Variants in RETREG1 observed in about 807,000 individuals in gnomAD.
The protein encoded by RETREG1 is reticulophagy regulator 1.
RETREG1 carries 44 observed loss-of-function variants against 54.8 expected under a neutral mutation model. That is an observed-to-expected ratio of 0.80 (90% CI 0.63 to 1.03). The LOEUF is 1.03. Ranked by LOEUF, RETREG1 falls within the 50% of genes least tolerant of loss-of-function variation. The pLI is 0.00. For synonymous variants in RETREG1, 217 were observed against 238.5 expected (o/e 0.91, Z 0.83); for missense variants, 554 against 605.1 (o/e 0.92, Z 0.89).
intron 3 of RETREG1, among the ~76,000 whole-genome samples, chr5:16,488,582 G>GT (rs2126529073): frequency 6.6e-6 from 1 of 152,286 alleles, no homozygotes; most frequent in South Asian, 2.1e-4. Flanking sequence ...TGGCACAGGC[G>GT]TGTGAGGAGC....
rs112111682 is a variant in RETREG1, at chr5:16,508,803, T to C, written c.459-25331A>G. ...ACTCAGAAAGTTGGTGTTTACAAAC[T>C]TCCAAAGCGCCTGCCTCCCTTGAAT... is the stretch of plus-strand genomic sequence containing the variant. On this transcript the variant is annotated intron_variant, in intron 3 of 8. Coordinates refer to ENST00000306320, the MANE Select transcript of RETREG1 (RefSeq NM_001034850.3). The C allele has an allele frequency of 0.01, 14,724 of 1,452,718 alleles. 113 individuals are homozygous for C. Among genetic ancestry groups the C allele is most frequent in the Non-Finnish European group, 0.012 (13,339 of 1,105,090 alleles). The allele number at this position is 1,452,718 out of a possible 1,614,324, so 90.0% of individuals were successfully genotyped here.
At position 16,474,502 on chromosome 5, in the gene RETREG1, A is replaced by G; in HGVS notation, c.*239T>C. ...CCCTAATATTTATCTCTGACAACACAGTGGTGTGTATAAAGTTCATTTCCA... is the reference window on the plus strand; with the variant it reads ...CCCTAATATTTATCTCTGACAACACGGTGGTGTGTATAAAGTTCATTTCCA... On this transcript the variant is annotated 3_prime_UTR_variant, in exon 9 of 9. Transcript: ENST00000306320. The G allele has an allele frequency of 1.9e-6, 1 of 529,208 alleles. No homozygotes were observed. Among genetic ancestry groups the G allele is most frequent in the Non-Finnish European group, 3.3e-6 (1 of 302,698 alleles). 32.8% of individuals were successfully genotyped at this position (529,208 alleles called of 1,614,324 possible).
At chr5:16,505,795 T>C (rs1307339646) in intron 3 of RETREG1, among the ~76,000 whole-genome samples, 2 of 152,172 alleles carry the variant, frequency 1.3e-5, no homozygotes, top group Non-Finnish European at 2.9e-5. Flanking sequence ...TTTCCTCCTA[T>C]TTCTTGACCC....
At chr5:16,549,979 G>A (rs1032257369) in intron 3 of RETREG1, among the ~76,000 whole-genome samples, 1 of 152,158 alleles carries the variant, frequency 6.6e-6, no homozygotes, top group African/African-American at 2.4e-5. Flanking sequence ...GACATGAGAT[G>A]GCTCTGAATG....
At chr5:16,570,346 G>C (rs950168790) in intron 2 of RETREG1, among the ~76,000 whole-genome samples, 10 of 152,200 alleles carry the variant, frequency 6.6e-5, no homozygotes, top group South Asian at 2.1e-4. Flanking sequence ...CAGCGGAAAC[G>C]ATCTGTGTGT....
At chr5:16,514,238 C>T (rs1447288624) in intron 3 of RETREG1, among the ~76,000 whole-genome samples, 1 of 152,048 alleles carries the variant, frequency 6.6e-6, no homozygotes, top group African/African-American at 2.4e-5. Context: ...GAGCCATCTC[C>T]CTCCCACATT....
chr5:16,513,148 A>G (rs938084828), intron 3 of RETREG1, among the ~76,000 whole-genome samples: 14 of 152,336 alleles, frequency 9.2e-5, no homozygotes, highest in African/African-American at 3.4e-4. Context: ...TGACTGGGTC[A>G]AATTAGAAAC....
chr5:16,547,739 G>A (rs1741427235), intron 3 of RETREG1, among the ~76,000 whole-genome samples: 1 of 152,082 alleles, frequency 6.6e-6, no homozygotes, highest in Admixed American at 6.5e-5. Context: ...CTGAATATGT[G>A]AACACGCACA....
Position 16,474,090 on chromosome 5 carries a change from A to G in RETREG1, c.*651T>C, listed in dbSNP as rs1738417798. On this transcript the variant is annotated 3_prime_UTR_variant, in exon 9 of 9. Coordinates refer to ENST00000306320, the MANE Select transcript of RETREG1 (RefSeq NM_001034850.3). ...ACTGCAAGACTAGAGATGGCAGTCA[A>G]TGGAGCATGCTTCTTTACAAATAAG... The G allele has an allele frequency of 6.5e-6, 1 of 153,296 alleles. No individual in the cohort carries two copies. The highest frequency in any genetic ancestry group is 1.5e-5 in the Non-Finnish European group (1 of 68,930). 9.5% of individuals were successfully genotyped at this position (153,296 alleles called of 1,614,324 possible). A position where few individuals can be genotyped will look rare whatever the true frequency, so the allele number is the denominator to read the frequency against.
chr5:16,507,902 C>T (rs918913648), intron 3 of RETREG1, among the ~76,000 whole-genome samples: 3 of 152,214 alleles, frequency 2.0e-5, no homozygotes, highest in African/African-American at 7.2e-5. Context: ...AGGCATCTAA[C>T]TGACTCATAC....
intron 3 of RETREG1, among the ~76,000 whole-genome samples, chr5:16,540,976 G>A (rs762365614): frequency 2.0e-5 from 3 of 152,152 alleles, no homozygotes; most frequent in Non-Finnish European, 2.9e-5. Context: ...TACTTATTAC[G>A]CACCAGCACC....
intron 3 of RETREG1, 137 bp from the exon 4 acceptor site, chr5:16,483,609 T>C: frequency 1.2e-6 from 1 of 813,236 alleles, no homozygotes. Context: ...AGAAGGGAAC[T>C]ATCCAGACAC....
intron 3 of RETREG1, among the ~76,000 whole-genome samples, chr5:16,540,967 A>G (rs1016440093): frequency 2.0e-5 from 3 of 152,180 alleles, no homozygotes; most frequent in African/African-American, 7.2e-5. Context: ...GTAAACAAGT[A>G]CTTATTACGC....
Position 16,540,398 on chromosome 5 carries a change from G to A in RETREG1, c.458+25365C>T, listed in dbSNP as rs115117014. 5.6e-3 allele frequency among the ~76,000 whole-genome samples: 845 copies of A among 152,202 alleles called. 5 individuals carry two copies. Among genetic ancestry groups the A allele is most frequent in the African/African-American group, 0.019 (804 of 41,524 alleles). Reference sequence around the variant, plus strand: ...ATGTCACACAGGAATACCCACCTTCGGCAAATACAGGGCAGGGCTAAGTAA... The same window carrying A: ...ATGTCACACAGGAATACCCACCTTCAGCAAATACAGGGCAGGGCTAAGTAA... On this transcript the variant is annotated intron_variant, in intron 3 of 8. Transcript: ENST00000306320.
At chr5:16,492,500 G>A (rs186719938) in intron 3 of RETREG1, among the ~76,000 whole-genome samples, 101 of 150,406 alleles carry the variant, frequency 6.7e-4, no homozygotes, top group African/African-American at 2.2e-3. Flanking sequence ...GTTATAACTC[G>A]TCACCTGGCA....
intron 4 of RETREG1, chr5:16,483,053 T>C (rs1371960391): frequency 2.9e-6 from 1 of 343,906 alleles, no homozygotes; most frequent in Admixed American, 4.5e-5. Flanking sequence ...TTCTTAAGAC[T>C]GTTTTCTCCC....
intron 7 of RETREG1, 39 bp from the exon 8 acceptor site, chr5:16,477,827 A>G: frequency 6.2e-7 from 1 of 1,612,270 alleles, no homozygotes; most frequent in South Asian, 1.1e-5. Context: ...CACATTTTAA[A>G]CTGCTGAAGG....
chr5:16,479,827 T>G (rs990056047), intron 5 of RETREG1, among the ~76,000 whole-genome samples: 9 of 152,104 alleles, frequency 5.9e-5, no homozygotes, highest in African/African-American at 2.2e-4. Context: ...AGAAATTGTA[T>G]GTAAATTTTA....
At chr5:16,496,247 T>C (rs931286963) in intron 3 of RETREG1, among the ~76,000 whole-genome samples, 3 of 152,248 alleles carry the variant, frequency 2.0e-5, no homozygotes, top group African/African-American at 7.2e-5. Flanking sequence ...AAAGCAACAG[T>C]GGTCTAAACA....
Sources: allele counts gnomAD v4.1 joint callset (sites outside exome capture counted in the v4.1 genomes callset), GRCh38; gene constraint gnomAD v4.1.1; transcripts MANE v1.5; gene names NCBI Gene and HGNC (gene_info 2026-07-23, HGNC 2026-07-21).